Variants in HELZ2 observed in about 807,000 individuals in gnomAD.
HELZ2 encodes 3'-5' exoribonuclease HELZ2.
HELZ2 carries 143 observed loss-of-function variants against 208.8 expected under a neutral mutation model. The observed-to-expected ratio is 0.68, with a 90% CI of 0.60 to 0.79. HELZ2 has a LOEUF of 0.79. Ranked by LOEUF, HELZ2 falls within the 30% of genes least tolerant of loss-of-function variation. The pLI, the probability that HELZ2 is intolerant of heterozygous loss-of-function variation, is 0.00. For synonymous variants in HELZ2, 1,705 were observed against 1,693.7 expected (o/e 1.01, Z -0.16); for missense variants, 3,690 against 3,794.5 (o/e 0.97, Z 0.72).
At chr20:63,569,062 G>GC in intron 4 of HELZ2, 63 bp from the exon 6 acceptor site, 1 of 1,589,160 alleles carries the variant, frequency 6.3e-7, no homozygotes, top group Non-Finnish European at 8.5e-7. Flanking sequence ...CCAAGTCCAC[G>GC]CCCCCATCCG....
upstream of HELZ2, chr20:63,572,718 G>A: frequency 3.1e-6 from 1 of 325,026 alleles, no homozygotes; most frequent in Non-Finnish European, 5.7e-6. Context: ...CCGCTGCCCT[G>A]CACCTCCGCC....
rs781044469 is a variant in HELZ2, at chr20:63,572,295, G to A, written c.91C>T (p.Pro31Ser). 1.4e-5 allele frequency: 23 copies of A among 1,586,842 alleles called. No homozygotes were observed. Among genetic ancestry groups the A allele is most frequent in the Non-Finnish European group, 2.0e-5 (23 of 1,168,620 alleles). Residue 31 changes from proline (P) to serine (S), a missense_variant, in exon 1 of 19, where the codon CCC (proline) becomes TCC (serine). Pro to Ser is a moderately conservative substitution (Grantham distance 74). Transcript: ENST00000467148. ...TGGGCCCCAGGGGGCTGGCCAAGGG[G>A]GGCCGTGCGCCCGTCGCCATCAGGG... is the stretch of plus-strand genomic sequence containing the variant.
chr20:63,569,316 C>T (rs368009458), exon 4 of HELZ2: 117 of 1,585,396 alleles, frequency 7.4e-5, no homozygotes, highest in Non-Finnish European at 9.2e-5. Context: ...CTCGGCCGTC[C>T]GCTCCACGCC....
At chr20:63,569,691 GGGGCCCA>G in intron 3 of HELZ2, 26 bp from the exon 5 acceptor site, 4 of 1,491,406 alleles carry the variant, frequency 2.7e-6, no homozygotes, top group Non-Finnish European at 3.6e-6. Flanking sequence ...GACGGTGAGG[GGGGCCCA>G]GGGCTCCCCC....
exon 8 of HELZ2, chr20:63,563,053 G>A (rs1466420796): frequency 1.9e-6 from 3 of 1,600,034 alleles, no homozygotes; most frequent in Non-Finnish European, 2.6e-6. Flanking sequence ...CACGGCCTGA[G>A]AAGCAGTCTC....
At chr20:63,570,982 C>G in intron 1 of HELZ2, 114 bp from the exon 3 acceptor site, 5 of 800,820 alleles carry the variant, frequency 6.2e-6, no homozygotes, top group Non-Finnish European at 7.8e-6. Context: ...GGGCTTTATT[C>G]GTCCCACCCA....
chr20:63,560,314 T>C (rs1263900752), exon 17 of HELZ2: 2 of 1,555,052 alleles, frequency 1.3e-6, no homozygotes, highest in Non-Finnish European at 1.7e-6. Flanking sequence ...GGTCAGCTGC[T>C]TGGTGATACG....
At chr20:63,563,411 C>A in exon 8 of HELZ2, 1 of 1,534,796 alleles carries the variant, frequency 6.5e-7, no homozygotes, top group Non-Finnish European at 8.7e-7. Context: ...CGGGCTGGAT[C>A]CCTGCGCTGA....
chr20:63,569,327 A>T, exon 4 of HELZ2: 2 of 1,595,504 alleles, frequency 1.3e-6, no homozygotes, highest in Non-Finnish European at 1.7e-6. Context: ...GCTCCACGCC[A>T]GGCACCACGT....
At chr20:63,560,992 G>A (rs559861839) in intron 14 of HELZ2, 63 bp from the exon 16 acceptor site, 63 of 1,596,548 alleles carry the variant, frequency 3.9e-5, no homozygotes, top group Admixed American at 1.3e-4. Flanking sequence ...AGCCCCACAC[G>A]ACACCCGCGT....
chr20:63,569,621 G>C, exon 4 of HELZ2: 1 of 1,547,688 alleles, frequency 6.5e-7, no homozygotes. Flanking sequence ...GAGAGAAGTC[G>C]GCTCCTGGCT....
At position 63,569,134 on chromosome 20, in the gene HELZ2, T is replaced by C. The variant is rs377273420; in HGVS notation, c.1088+14A>G. 9.3e-5 allele frequency: 146 copies of C among 1,568,360 alleles called. No homozygotes were observed. The highest frequency in any genetic ancestry group is 6.9e-4 in the Middle Eastern group (4 of 5,762). Reference sequence around the variant, plus strand: ...CTCCTGCTACCCCAGCTGCTCCTGTTGCCCCCAGCTCACTTGGCCACCAGC... The same window carrying C: ...CTCCTGCTACCCCAGCTGCTCCTGTCGCCCCCAGCTCACTTGGCCACCAGC... On this transcript the variant is annotated intron_variant, in intron 4 of 18. Transcript: ENST00000467148.
At chr20:63,559,726 G>A (rs1330116051) in intron 18 of HELZ2, among the ~76,000 whole-genome samples, 8 of 93,194 alleles carry the variant, frequency 8.6e-5, no homozygotes, top group African/African-American at 2.5e-4. Flanking sequence ...AGTCAGTCAG[G>A]GTCAGGTGGG....
At position 63,562,755 on chromosome 20, in the gene HELZ2, G is replaced by A. The variant is rs767255996; in HGVS notation, c.6067C>T (p.Arg2023Cys). 36 of 1,603,702 alleles carry A rather than the reference G, an allele frequency of 2.2e-5. No individual in the cohort carries two copies. In the Admixed American group the frequency reaches 5.0e-4, roughly 22 times the overall value. Residue 2023 changes from arginine to cysteine, a missense_variant, in exon 8 of 19, where the codon CGC becomes TGC. Physicochemically the swap from Arg to Cys is radical, Grantham distance 180 (BLOSUM62 -3). Around this residue, in one of 3 missense-constraint regions of HELZ2, gnomAD observed 2,564 missense variants for 2,580.5 expected, o/e 0.99. Transcript: ENST00000467148. ...GGGCCGAGGCTGCTGGGCCCAGGGC[G>A]TGGGCTGGCCGTGGGAGCCGGCAGC... is the stretch of plus-strand genomic sequence containing the variant.
rs2146002583 is a variant in HELZ2, at chr20:63,559,235, G to C, written c.*11C>G. 8.5e-6 allele frequency: 13 copies of C among 1,534,902 alleles called. 2 individuals are homozygous for C. In the South Asian group the frequency reaches 1.6e-4, roughly 19 times the overall value. On this transcript the variant is annotated 3_prime_UTR_variant, in exon 19 of 19. Transcript: ENST00000467148. The stretch of plus-strand genomic sequence containing the variant: ...TCCCAGTCCTGGCACCTTGCAGGTG[G>C]AGAGGGCTCTTCAGGAAGGCATAGT...
exon 8 of HELZ2, chr20:63,564,666 C>A: frequency 6.3e-7 from 1 of 1,581,278 alleles, no homozygotes. Context: ...GCCTCCACGT[C>A]CAGCACCCCG....
At chr20:63,564,512 C>T in exon 8 of HELZ2, 1 of 1,585,450 alleles carries the variant, frequency 6.3e-7, no homozygotes, top group Non-Finnish European at 8.6e-7. Flanking sequence ...CAGCTGGCCA[C>T]TGGCCTTCTC....
chr20:63,558,999 T>C (rs985590028), downstream of HELZ2: 2 of 451,186 alleles, frequency 4.4e-6, no homozygotes, highest in Non-Finnish European at 8.0e-6. Flanking sequence ...CTTGCACTGG[T>C]CCCAAGGAAG....
rs878939770 is a variant in HELZ2 at position 63,559,560 on chromosome 20, G to C, written c.7826-190C>G. ...GGGAGGAGTCAGGGTCAGGTGGGAG[G>C]AGTCAGGGTCAGGTGGGAGGAGTCA... On this transcript the variant is annotated intron_variant, in intron 18 of 18. Coordinates refer to ENST00000467148, the Ensembl canonical transcript of HELZ2. Among the ~76,000 whole-genome samples, 31 of 61,948 alleles carry C rather than the reference G, an allele frequency of 5.0e-4. 8 individuals are homozygous for C. The East Asian group carries it at 0.028, about 56-fold the overall frequency. The allele number at this position is 61,948 out of a possible 152,430, so 40.6% of individuals were successfully genotyped here. A position where few individuals can be genotyped will look rare whatever the true frequency, so the allele number is the denominator to read the frequency against.
Sources: gnomAD v4.1 joint callset for allele counts (sites outside exome capture counted in the v4.1 genomes callset) on GRCh38, gnomAD v4.1.1 for gene constraint, gnomAD v4.1.1 regional missense constraint, MANE v1.5 for transcripts, NCBI Gene and HGNC (gene_info 2026-07-23, HGNC 2026-07-21) for gene names.